JAZF1: variants seen among roughly 807,000 people sequenced by gnomAD.
The protein encoded by JAZF1 is juxtaposed with another zinc finger protein 1.
Under a neutral mutation model 26.4 loss-of-function variants are expected in JAZF1, and 8 were observed. The observed-to-expected ratio is 0.30, with a 90% CI of 0.18 to 0.55. The LOEUF (loss-of-function observed/expected upper bound fraction) is 0.55. Among genes scored for constraint, JAZF1 ranks in the 20% least tolerant of loss-of-function variants. The pLI, the probability that JAZF1 is intolerant of heterozygous loss-of-function variation, is 0.94. For synonymous variants in JAZF1, 126 were observed against 122.3 expected, an observed-to-expected ratio of 1.03 and a Z score of -0.20; for missense variants, 199 against 322.0, an observed-to-expected ratio of 0.62 and a Z score of 2.92.
At chr7:28,008,958 T>A (rs954507976) in intron 1 of JAZF1, among the ~76,000 whole-genome samples, 12 of 152,222 alleles carry the variant, frequency 7.9e-5, no homozygotes, top group Non-Finnish European at 1.8e-4. Flanking sequence ...TTATCACACA[T>A]TCAAGTCAAA....
intron 1 of JAZF1, among the ~76,000 whole-genome samples, chr7:28,087,849 T>C (rs942293238): frequency 2.0e-5 from 3 of 152,190 alleles, no homozygotes; most frequent in Admixed American, 1.3e-4. Flanking sequence ...TCAATGAAAA[T>C]GTCCATTTTA....
intron 1 of JAZF1, among the ~76,000 whole-genome samples, chr7:28,045,762 C>T (rs1000376140): frequency 6.6e-6 from 1 of 152,088 alleles, no homozygotes; most frequent in African/African-American, 2.4e-5. Context: ...TTTGTAGAGA[C>T]ACGGTCTCAC....
chr7:27,830,970 G>T lies in JAZF1; in HGVS notation c.*1830C>A, dbSNP rs188624103. 4.6e-6 allele frequency: 1 copy of T among 218,720 alleles called. No homozygotes were observed. The highest frequency in any genetic ancestry group is 9.2e-6 in the Non-Finnish European group (1 of 108,752). 13.5% of individuals were successfully genotyped at this position (218,720 alleles called of 1,614,324 possible). A position where few individuals can be genotyped will look rare whatever the true frequency, so the allele number is the denominator to read the frequency against. Reference sequence around the variant, plus strand: ...TGCAGTTTCTTGCACTAGAAAGAGCGAAGCTAAATAATAATTGCTGGCCTA... The same window carrying T: ...TGCAGTTTCTTGCACTAGAAAGAGCTAAGCTAAATAATAATTGCTGGCCTA... On this transcript the variant is annotated 3_prime_UTR_variant, in exon 5 of 5. Coordinates refer to ENST00000283928, the MANE Select transcript of JAZF1 (RefSeq NM_175061.4).
intron 3 of JAZF1, among the ~76,000 whole-genome samples, chr7:27,862,096 C>T (rs1285077716): frequency 6.6e-6 from 1 of 152,204 alleles, no homozygotes; most frequent in Non-Finnish European, 1.5e-5. Flanking sequence ...AGGGACATCC[C>T]GTGGAGACTC....
intron 2 of JAZF1, among the ~76,000 whole-genome samples, chr7:27,984,248 G>A (rs1407342745): frequency 6.6e-6 from 1 of 152,136 alleles, no homozygotes; most frequent in Non-Finnish European, 1.5e-5. Context: ...ATAAAGGGAT[G>A]GAGGAAGATC....
At chr7:27,885,041 G>A (rs937246571) in intron 3 of JAZF1, among the ~76,000 whole-genome samples, 1 of 152,176 alleles carries the variant, frequency 6.6e-6, no homozygotes, top group Admixed American at 6.5e-5. Flanking sequence ...GGGAGTTTCA[G>A]AGACACTATA....
chr7:28,093,911 C>A (rs909361718), intron 1 of JAZF1, among the ~76,000 whole-genome samples: 8 of 152,198 alleles, frequency 5.3e-5, no homozygotes, highest in Non-Finnish European at 8.8e-5. Context: ...TGGGCAGGAG[C>A]CAGGGAGGGA....
intron 2 of JAZF1, among the ~76,000 whole-genome samples, chr7:27,926,047 T>C (rs1318910110): frequency 2.0e-5 from 3 of 152,182 alleles, no homozygotes; most frequent in Non-Finnish European, 4.4e-5. Context: ...GGGAGTGATG[T>C]TATCATTAGG....
At chr7:28,137,775 G>A (rs999065977) in intron 1 of JAZF1, among the ~76,000 whole-genome samples, 2 of 152,218 alleles carry the variant, frequency 1.3e-5, no homozygotes, top group African/African-American at 2.4e-5. Flanking sequence ...TCTGGCAACT[G>A]AGAGCCCAAA....
At chr7:28,011,204 A>G (rs1402571286) in intron 1 of JAZF1, among the ~76,000 whole-genome samples, 1 of 152,244 alleles carries the variant, frequency 6.6e-6, no homozygotes, top group Non-Finnish European at 1.5e-5. Context: ...GTCCTTAGAG[A>G]GAAGGAAAAA....
intron 4 of JAZF1, 109 bp from the exon 5 acceptor site, chr7:27,833,085 A>AGT: frequency 1.2e-6 from 1 of 810,330 alleles, no homozygotes; most frequent in South Asian, 2.0e-5. Flanking sequence ...AGCTGTTTAG[A>AGT]GTGTAGTCTT....
chr7:27,933,330 TA>T (rs772694773), intron 2 of JAZF1, among the ~76,000 whole-genome samples: 65 of 152,216 alleles, frequency 4.3e-4, no homozygotes, highest in Middle Eastern at 6.8e-3. Flanking sequence ...TTTCCCAAAA[TA>T]ATACTCCAAG....
intron 3 of JAZF1, chr7:27,846,432 G>C (rs1390203148): frequency 4.7e-6 from 2 of 423,870 alleles, no homozygotes; most frequent in Non-Finnish European, 9.8e-6. Context: ...TATACACACA[G>C]ATTCTTGGTG....
chr7:28,026,201 T>G (rs1783090886), intron 1 of JAZF1, among the ~76,000 whole-genome samples: 2 of 152,152 alleles, frequency 1.3e-5, no homozygotes, highest in Admixed American at 6.5e-5. Context: ...ACAAGTGACT[T>G]CTAAAGATGA....
intron 1 of JAZF1, among the ~76,000 whole-genome samples, chr7:28,095,322 T>C (rs77566406): frequency 0.014 from 2,198 of 152,222 alleles, 60 homozygotes; most frequent in African/African-American, 0.05. Flanking sequence ...CAGTTCAGCA[T>C]TATCGGGGAG....
At chr7:27,970,564 A>C (rs1391202571) in intron 2 of JAZF1, among the ~76,000 whole-genome samples, 2 of 152,244 alleles carry the variant, frequency 1.3e-5, no homozygotes, top group African/African-American at 4.8e-5. Flanking sequence ...GTATTTTTAC[A>C]GTATCTACGC....
At chr7:27,955,941 A>G (rs746933259) in intron 2 of JAZF1, among the ~76,000 whole-genome samples, 3 of 151,920 alleles carry the variant, frequency 2.0e-5, no homozygotes, top group Non-Finnish European at 4.4e-5. Flanking sequence ...TCAACCACAG[A>G]CTCCTTCTTT....
intron 3 of JAZF1, among the ~76,000 whole-genome samples, chr7:27,855,487 G>A (rs1783231850): frequency 6.6e-6 from 1 of 152,022 alleles, no homozygotes; most frequent in South Asian, 2.1e-4. Context: ...AATAAGAAAA[G>A]AGAGAAGAAT....
At chr7:28,007,742 CT>C (rs1310665243) in intron 1 of JAZF1, among the ~76,000 whole-genome samples, 2 of 152,240 alleles carry the variant, frequency 1.3e-5, no homozygotes, top group East Asian at 3.9e-4. Context: ...GCCTCTTTCC[CT>C]TTTTTAAAAA....
Sources: gnomAD v4.1 joint callset for allele counts (sites outside exome capture counted in the v4.1 genomes callset) on GRCh38, gnomAD v4.1.1 for gene constraint, MANE v1.5 for transcripts, NCBI Gene and HGNC (gene_info 2026-07-23, HGNC 2026-07-21) for gene names.